Variants in TLL2 observed in about 807,000 individuals in gnomAD.
The protein encoded by TLL2 is tolloid like 2.
Under a neutral mutation model 123.0 loss-of-function variants are expected in TLL2, and 106 were observed. The observed-to-expected ratio is 0.86, with a 90% CI of 0.74 to 1.01. The LOEUF (loss-of-function observed/expected upper bound fraction) is 1.01, where lower values mean the gene tolerates loss of function less well. Among genes scored for constraint, TLL2 ranks in the 50% least tolerant of loss-of-function variants. The pLI, the probability that TLL2 is intolerant of heterozygous loss-of-function variation, is 0.00. For synonymous variants in TLL2, 494 were observed against 516.8 expected, an observed-to-expected ratio of 0.96 and a Z score of 0.60; for missense variants, 1,332 against 1,336.7, an observed-to-expected ratio of 1.00 and a Z score of 0.06.
rs547196170 is a variant in TLL2, at chr10:96,507,012, T to A, written c.175+6499A>T. Among the ~76,000 whole-genome samples, 74 of 152,278 alleles carry A rather than the reference T, an allele frequency of 4.9e-4. No homozygotes were observed. In the Middle Eastern group the frequency reaches 0.024, roughly 49 times the overall value. On this transcript the variant is annotated intron_variant, in intron 1 of 20. Coordinates refer to ENST00000357947, the MANE Select transcript of TLL2 (RefSeq NM_012465.4). ...AAATGGCAGCCATTGCAGCTGCTTG[T>A]CTGCTCTGGGGGCTGTGCTGAGGGT...
At chr10:96,484,868 T>G (rs894720205) in intron 1 of TLL2, among the ~76,000 whole-genome samples, 3 of 152,168 alleles carry the variant, frequency 2.0e-5, no homozygotes, top group African/African-American at 7.2e-5. Flanking sequence ...TCTTGGCACA[T>G]AGTAGGCGAT....
At chr10:96,396,584 T>TC (rs1219789922) in intron 11 of TLL2, among the ~76,000 whole-genome samples, 8 of 148,378 alleles carry the variant, frequency 5.4e-5, no homozygotes, top group African/African-American at 9.9e-5. Context: ...CCCCTTTCTT[T>TC]TTTTTTTTTT....
intron 1 of TLL2, among the ~76,000 whole-genome samples, chr10:96,498,964 A>C (rs1197492604): frequency 6.6e-6 from 1 of 152,190 alleles, no homozygotes; most frequent in Non-Finnish European, 1.5e-5. Context: ...GTTTAAGCCA[A>C]TGTCTGAGAT....
At chr10:96,368,928 T>C (rs1236106400) in intron 20 of TLL2, among the ~76,000 whole-genome samples, 1 of 152,240 alleles carries the variant, frequency 6.6e-6, no homozygotes, top group Non-Finnish European at 1.5e-5. Context: ...AAAGATTTTA[T>C]CAAAGGCAGT....
At chr10:96,413,136 G>A (rs1448843442) in intron 8 of TLL2, 56 bp downstream of exon 8, 7 of 1,602,842 alleles carry the variant, frequency 4.4e-6, no homozygotes, top group Non-Finnish European at 4.3e-6. Flanking sequence ...CCAGCATAGG[G>A]ACTGTGCTTT....
chr10:96,402,602 C>T (rs1846406848), intron 10 of TLL2, among the ~76,000 whole-genome samples: 1 of 152,210 alleles, frequency 6.6e-6, no homozygotes, highest in Non-Finnish European at 1.5e-5. Flanking sequence ...TCCAGGCAGG[C>T]ATCCTCCGCC....
chr10:96,433,462 C>T (rs973695107), intron 3 of TLL2, among the ~76,000 whole-genome samples: 1 of 152,112 alleles, frequency 6.6e-6, no homozygotes, highest in African/African-American at 2.4e-5. Context: ...CCTCATAAAA[C>T]CCCCAACTCT....
At chr10:96,418,729 AAATT>A (rs561762006) in intron 7 of TLL2, among the ~76,000 whole-genome samples, 45 of 147,770 alleles carry the variant, frequency 3.0e-4, no homozygotes, top group African/African-American at 8.9e-4. Context: ...ATAAATATAT[AAATT>A]AATATATGAA....
At chr10:96,423,293 C>G (rs1011826529) in intron 5 of TLL2, among the ~76,000 whole-genome samples, 3 of 152,152 alleles carry the variant, frequency 2.0e-5, no homozygotes, top group Admixed American at 6.5e-5. Context: ...GATACGGTCT[C>G]TCTCTGACAT....
At chr10:96,490,522 A>G (rs931968651) in intron 1 of TLL2, among the ~76,000 whole-genome samples, 1 of 152,252 alleles carries the variant, frequency 6.6e-6, no homozygotes, top group African/African-American at 2.4e-5. Context: ...GGAACTAAGC[A>G]ATGAATGACG....
chr10:96,406,241 C>A (rs7905873), intron 9 of TLL2, among the ~76,000 whole-genome samples: 62,067 of 151,922 alleles, frequency 0.41, 13,398 homozygotes, highest in Middle Eastern at 0.53. Flanking sequence ...TGGCCCAGAG[C>A]AGAGTTCAGA....
At chr10:96,385,984 C>A in intron 15 of TLL2, 71 bp downstream of exon 15, 2 of 1,421,248 alleles carry the variant, frequency 1.4e-6, no homozygotes, top group Admixed American at 2.4e-5. Context: ...GCCCTCCCAG[C>A]CCCTCACTGG....
intron 13 of TLL2, among the ~76,000 whole-genome samples, chr10:96,387,665 C>A (rs1018761564): frequency 1.3e-5 from 2 of 152,054 alleles, no homozygotes; most frequent in Non-Finnish European, 2.9e-5. Flanking sequence ...CCCAGGAAAA[C>A]CTGCAGGAAG....
intron 1 of TLL2, among the ~76,000 whole-genome samples, chr10:96,507,148 G>T (rs1847586807): frequency 6.6e-6 from 1 of 151,974 alleles, no homozygotes. Flanking sequence ...GCACCCCAGT[G>T]TGAGACCTGG....
At chr10:96,383,284 T>C (rs1198408910) in intron 16 of TLL2, among the ~76,000 whole-genome samples, 1 of 152,216 alleles carries the variant, frequency 6.6e-6, no homozygotes, top group Non-Finnish European at 1.5e-5. Context: ...TTTAGTAGTG[T>C]CTTCCCAAAA....
chr10:96,476,240 A>ATTCTTTTTTTTTTT (rs1554939626), intron 2 of TLL2, among the ~76,000 whole-genome samples: 6 of 20,498 alleles, frequency 2.9e-4, no homozygotes, highest in African/African-American at 1.0e-3. Flanking sequence ...ATATATATAT[A>ATTCTTTTTTTTTTT]TTTTATTTTT....
intron 1 of TLL2, among the ~76,000 whole-genome samples, chr10:96,485,943 C>A (rs1232118179): frequency 1.3e-5 from 2 of 150,934 alleles, no homozygotes; most frequent in Non-Finnish European, 2.9e-5. Flanking sequence ...ATCAGGAATA[C>A]TTCTCAAACA....
At chr10:96,480,956 T>C (rs951685571) in intron 1 of TLL2, among the ~76,000 whole-genome samples, 3 of 152,208 alleles carry the variant, frequency 2.0e-5, no homozygotes, top group African/African-American at 7.2e-5. Context: ...TAAGAGCTAG[T>C]GCATGATTCA....
chr10:96,465,246 G>A (rs1364576675), intron 2 of TLL2, among the ~76,000 whole-genome samples: 1 of 152,236 alleles, frequency 6.6e-6, no homozygotes, highest in African/African-American at 2.4e-5. Context: ...AGAGGTTAAG[G>A]TAACCAGTGC....
Sources: gnomAD v4.1 joint callset for allele counts (sites outside exome capture counted in the v4.1 genomes callset) on GRCh38, gnomAD v4.1.1 for gene constraint, MANE v1.5 for transcripts, NCBI Gene and HGNC (gene_info 2026-07-23, HGNC 2026-07-21) for gene names.